Variants in KRT3 observed in about 807,000 individuals in gnomAD.
The protein encoded by KRT3 is keratin, type II cytoskeletal 3.
Under a neutral mutation model 45.8 loss-of-function variants are expected in KRT3, and 34 were observed. The observed-to-expected ratio is 0.74, with a 90% CI of 0.57 to 0.99. KRT3 has a LOEUF of 0.99. Ranked by LOEUF, KRT3 falls within the 50% of genes least tolerant of loss-of-function variation. The probability of loss-of-function intolerance (pLI) is 0.00; values close to 1 mark genes in which losing one functional copy is unlikely to be tolerated. For missense variants in KRT3, 828 were observed against 820.6 expected (o/e 1.01, Z -0.11); for synonymous variants, 367 against 329.0 (o/e 1.12, Z -1.25).
chr12:52,793,600 G>GT (rs911136490), intron 2 of KRT3, among the ~76,000 whole-genome samples: 87 of 147,240 alleles, frequency 5.9e-4, no homozygotes, highest in Admixed American at 1.3e-3. Context: ...TTTTGTTTTT[G>GT]TTTTTTTTTT....
rs917416026 is a variant in KRT3, at chr12:52,794,214, T to C, written c.763A>G (p.Ile255Val). ...TCCAGGTAGCTCCGCAGGTAGTTGA[T>C]GTGATTCTCAAAAAGAGGCTCAAGG... ...NNLEPLFENH[I>V]NYLRSYLDNI... Residue 255 changes from isoleucine to valine, a missense_variant, in exon 2 of 9, where the codon ATC becomes GTC. By Grantham distance (29) the Ile-to-Val change is conservative. Coordinates refer to ENST00000417996, the MANE Select transcript of KRT3 (RefSeq NM_057088.3). The C allele has an allele frequency of 6.2e-7, 1 of 1,614,166 alleles. No individual in the cohort carries two copies. Among genetic ancestry groups the C allele is most frequent in the Non-Finnish European group, 8.5e-7 (1 of 1,179,994 alleles).
chr12:52,791,629 T>C, intron 6 of KRT3, 62 bp downstream of exon 6: 1 of 1,606,622 alleles, frequency 6.2e-7, no homozygotes, highest in Non-Finnish European at 8.5e-7. Flanking sequence ...GGAGGAGTCC[T>C]GAGATCCTAG....
chr12:52,790,356 C>A lies in KRT3; in HGVS notation c.1573G>T (p.Val525Leu). 6.3e-7 allele frequency: 1 copy of A among 1,594,980 alleles called. No homozygotes were observed. The highest frequency in any genetic ancestry group is 8.5e-7 in the Non-Finnish European group (1 of 1,170,274). Residue 525 changes from valine to leucine, a missense_variant and splice_region_variant, in exon 9 of 9, where the codon GTG (valine) becomes TTG (leucine). Val to Leu is a conservative substitution (Grantham distance 32). Transcript: ENST00000417996. ...GCGGAAGTCGTGCTGCTGCTGACCACGGCTGTGGGGGAGAGGACAGGACAG... is the reference window on the plus strand; with the variant it reads ...GCGGAAGTCGTGCTGCTGCTGACCAAGGCTGTGGGGGAGAGGACAGGACAG... ...GECPSAVSIS[V>L]VSSSTTSASA...
At chr12:52,794,800 T>G (rs1016892394) in intron 1 of KRT3, among the ~76,000 whole-genome samples, 3 of 152,162 alleles carry the variant, frequency 2.0e-5, no homozygotes, top group Admixed American at 1.3e-4. Context: ...CTCTTGGGCC[T>G]GGAGGGGAGG....
chr12:52,791,074 T>C, intron 7 of KRT3, 132 bp downstream of exon 7: 1 of 1,436,164 alleles, frequency 7.0e-7, no homozygotes, highest in Non-Finnish European at 9.5e-7. Flanking sequence ...AGTGGGCTGG[T>C]AGAGGCAAAT....
chr12:52,793,279 A>G lies in KRT3; in HGVS notation c.867-56T>C, dbSNP rs376430847. On this transcript the variant is annotated intron_variant, in intron 2 of 8. Transcript: ENST00000417996. ...TGGTTTTGAGGTCATCGTAAACACC[A>G]TTGTTCCCTGGAACTCTGAAAGTTC... 132 of 1,236,236 alleles carry G rather than the reference A, an allele frequency of 1.1e-4. No homozygotes were observed. The African/African-American group carries it at 1.7e-3, about 16-fold the overall frequency. The allele number at this position is 1,236,236 out of a possible 1,614,324, so 76.6% of individuals were successfully genotyped here.
At chr12:52,792,517 A>G in intron 4 of KRT3, 114 bp from the exon 5 acceptor site, 2 of 1,141,300 alleles carry the variant, frequency 1.8e-6, no homozygotes, top group Non-Finnish European at 1.3e-6. Context: ...CCACATGTGT[A>G]TCAGCCACAC....
chr12:52,791,974 A>T (rs940062748), intron 5 of KRT3, among the ~76,000 whole-genome samples, 158 bp from the exon 6 acceptor site: 1 of 152,224 alleles, frequency 6.6e-6, no homozygotes, highest in Non-Finnish European at 1.5e-5. Flanking sequence ...GGCAGCAGGA[A>T]AGAGAACATC....
At chr12:52,792,851 A>AAG in intron 3 of KRT3, 45 bp from the exon 4 acceptor site, 1 of 1,234,348 alleles carries the variant, frequency 8.1e-7, no homozygotes, top group Non-Finnish European at 1.2e-6. Flanking sequence ...CAATGAACAA[A>AAG]CAGCAAACCA....
At chr12:52,791,980 A>G (rs1939520655) in intron 5 of KRT3, among the ~76,000 whole-genome samples, 164 bp from the exon 6 acceptor site, 1 of 152,204 alleles carries the variant, frequency 6.6e-6, no homozygotes, top group South Asian at 2.1e-4. Flanking sequence ...AGGAAAGAGA[A>G]CATCTGGGTT....
At position 52,792,742 on chromosome 12, in the gene KRT3, T is replaced by C; in HGVS notation, c.992A>G (p.Glu331Gly). The stretch of plus-strand genomic sequence containing the variant: ...GTAGAGGGTCCTTAAGAAGTCGATC[T>C]CATCTATCAAGGCATCCACTTTGGC... ...LQAKVDALIDEIDFLRTLYDA... is the reference protein window; with the variant it reads ...LQAKVDALIDGIDFLRTLYDA... Residue 331 changes from glutamate (E) to glycine (G), a missense_variant, in exon 4 of 9, where the codon GAG becomes GGG. Transcript: ENST00000417996. 6.2e-7 allele frequency: 1 copy of C among 1,613,388 alleles called. No individual in the cohort carries two copies. Among genetic ancestry groups the C allele is most frequent in the Non-Finnish European group, 8.5e-7 (1 of 1,179,366 alleles).
chr12:52,790,185 C>T lies in KRT3; in HGVS notation c.1744G>A (p.Gly582Ser). 2 of 1,548,892 alleles carry T rather than the reference C, an allele frequency of 1.3e-6. No individual in the cohort carries two copies. Among genetic ancestry groups the T allele is most frequent in the Non-Finnish European group, 1.7e-6 (2 of 1,146,814 alleles). The stretch of plus-strand genomic sequence containing the variant: ...CCAAAGCCGCTGCCACCGCTGAAAC[C>T]GCTGCTGCCGCCGCCAAATCCACCG... ...IGGGFGGGSS[G>S]FSGGSGFGSI... The change falls in exon 9 of 9, where the codon GGT becomes AGT. Residue 582 changes from glycine to serine, a missense_variant. Physicochemically the swap from Gly to Ser is moderately conservative, Grantham distance 56. Coordinates refer to ENST00000417996, the MANE Select transcript of KRT3 (RefSeq NM_057088.3).
At chr12:52,793,856 T>C (rs951088914) in intron 2 of KRT3, among the ~76,000 whole-genome samples, 2 of 152,212 alleles carry the variant, frequency 1.3e-5, no homozygotes, top group African/African-American at 2.4e-5. Flanking sequence ...CCTCCCAAAG[T>C]GCTGGGATTA....
Position 52,796,064 on chromosome 12 carries a change from A to G in KRT3, c.-22T>C, listed in dbSNP as rs1387439364. 6.2e-7 allele frequency: 1 copy of G among 1,611,430 alleles called. No homozygotes were observed. The highest frequency in any genetic ancestry group is 8.5e-7 in the Non-Finnish European group (1 of 1,179,646). On this transcript the variant is annotated 5_prime_UTR_variant, in exon 1 of 9. Transcript: ENST00000417996. ...TCATGGTAAGGAGCTTGGCGAAGAG[A>G]AGAGTGTAAGTTAAGCAGGGACACT...
chr12:52,790,077 G>C lies in KRT3; in HGVS notation c.1852C>G (p.Gln618Glu), dbSNP rs1180852416. The change falls in exon 9 of 9, where the codon CAG becomes GAG. Residue 618 changes from glutamine (Q) to glutamate (E), a missense_variant. By Grantham distance (29) the Gln-to-Glu change is conservative. Coordinates refer to ENST00000417996, the MANE Select transcript of KRT3 (RefSeq NM_057088.3). The stretch of plus-strand genomic sequence containing the variant: ...TAGCGCTGGGAGGACTGGGAGGACT[G>C]GGAGAACTTGATGCTGCCGCCCCGG... ...SNRGGSIKFS[Q>E]SSQSSQRYSR The C allele has an allele frequency of 1.3e-6, 2 of 1,541,198 alleles. No individual in the cohort carries two copies. Among genetic ancestry groups the C allele is most frequent in the African/African-American group, 2.7e-5 (2 of 72,954 alleles).
Position 52,791,366 on chromosome 12 carries a change from C to T in KRT3, c.1375G>A (p.Asp459Asn), listed in dbSNP as rs1375984821. The T allele has an allele frequency of 1.2e-6, 2 of 1,614,122 alleles. No individual in the cohort carries two copies. Among genetic ancestry groups the T allele is most frequent in the East Asian group, 2.2e-5 (1 of 44,900 alleles). ...AGCTCTTGGAGCTTGGCATTGGCAT[C>T]CTTGAGGGCCATCTCTCCATGCTGC... is the stretch of plus-strand genomic sequence containing the variant. ...AEQHGEMALK[D>N]ANAKLQELQA... The change falls in exon 7 of 9, where the codon GAT becomes AAT. Residue 459 changes from aspartate to asparagine, a missense_variant. By Grantham distance (23) the Asp-to-Asn change is conservative (BLOSUM62 1). Transcript: ENST00000417996.
intron 5 of KRT3, 94 bp downstream of exon 5, chr12:52,792,145 C>T (rs1215172482): frequency 1.9e-6 from 2 of 1,058,970 alleles, no homozygotes; most frequent in Non-Finnish European, 2.8e-6. Flanking sequence ...GGCATTCACC[C>T]AGTGACCACT....
chr12:52,792,180 A>G (rs568998041), intron 5 of KRT3, 59 bp downstream of exon 5: 2 of 1,479,336 alleles, frequency 1.4e-6, no homozygotes, highest in African/African-American at 1.4e-5. Flanking sequence ...CAGCTGTCCA[A>G]TAGGCCATGG....
rs947047149 is a variant in KRT3, at chr12:52,795,935, C to G, written c.108G>C (p.Gly36=). 6.2e-7 allele frequency: 1 copy of G among 1,614,152 alleles called. No homozygotes were observed. Reference sequence around the variant, plus strand: ...AGCCATAGGCCCCTCCGCCAGCTCCCCCAGAGTGGGCCACACAGCTCATCC... The same window carrying G: ...AGCCATAGGCCCCTCCGCCAGCTCCGCCAGAGTGGGCCACACAGCTCATCC... ...SSRMSCVAHS[G]GAGGGAYGFR... is the part of the protein sequence containing the mutation. Residue 36 remains glycine (G), a synonymous_variant, in exon 1 of 9, where the codon GGG becomes GGC. Coordinates refer to ENST00000417996, the MANE Select transcript of KRT3 (RefSeq NM_057088.3).
Sources: allele counts gnomAD v4.1 joint callset (sites outside exome capture counted in the v4.1 genomes callset), GRCh38; gene constraint gnomAD v4.1.1; transcripts MANE v1.5; gene names NCBI Gene and HGNC (gene_info 2026-07-23, HGNC 2026-07-21).